The following PXDNL variants were observed in gnomAD, a reference collection of about 807,000 sequenced individuals.
The protein encoded by PXDNL is probable oxidoreductase PXDNL.
PXDNL carries 145 observed loss-of-function variants against 150.8 expected under a neutral mutation model. The ratio of observed to expected loss-of-function variants is 0.96; its 90% CI spans 0.84 to 1.10. The LOEUF is 1.10. PXDNL is among the 50% of genes least tolerant of loss of function. PXDNL has a pLI of 0.00. For missense variants in PXDNL, 2,087 were observed against 1,873.9 expected, an observed-to-expected ratio of 1.11 and a Z score of -2.10; for synonymous variants, 757 against 725.7, an observed-to-expected ratio of 1.04 and a Z score of -0.69.
At chr8:51,497,901 T>G (rs1380359443) in intron 5 of PXDNL, among the ~76,000 whole-genome samples, 1 of 152,152 alleles carries the variant, frequency 6.6e-6, no homozygotes, top group Non-Finnish European at 1.5e-5. Flanking sequence ...GAACTAGAAA[T>G]ATCATTTGAC....
intron 4 of PXDNL, among the ~76,000 whole-genome samples, chr8:51,528,240 C>T (rs1197567135): frequency 2.6e-5 from 4 of 151,950 alleles, no homozygotes; most frequent in Non-Finnish European, 4.4e-5. Context: ...ACAAGTTCTA[C>T]CAGCTAGTGT....
At chr8:51,749,594 C>T (rs1020080989) in intron 1 of PXDNL, among the ~76,000 whole-genome samples, 1 of 152,186 alleles carries the variant, frequency 6.6e-6, no homozygotes, top group Admixed American at 6.5e-5. Flanking sequence ...AGTTGCTCAG[C>T]GTGAGTCAGT....
intron 1 of PXDNL, among the ~76,000 whole-genome samples, chr8:51,659,070 A>G (rs1815214366): frequency 6.6e-6 from 1 of 152,240 alleles, no homozygotes; most frequent in Non-Finnish European, 1.5e-5. Flanking sequence ...TGTCATTCAT[A>G]TAAAACTTCC....
chr8:51,536,249 C>G (rs1230072312), intron 4 of PXDNL, among the ~76,000 whole-genome samples: 1 of 152,160 alleles, frequency 6.6e-6, no homozygotes, highest in East Asian at 1.9e-4. Context: ...AAGCTGACAC[C>G]AAGGACACAG....
At chr8:51,777,127 T>G (rs537118418) in intron 1 of PXDNL, among the ~76,000 whole-genome samples, 4 of 152,232 alleles carry the variant, frequency 2.6e-5, no homozygotes, top group Non-Finnish European at 4.4e-5. Flanking sequence ...ATTTAATATA[T>G]GCAAAATGGG....
At chr8:51,533,760 T>G (rs1287023524) in intron 4 of PXDNL, among the ~76,000 whole-genome samples, 2 of 150,974 alleles carry the variant, frequency 1.3e-5, no homozygotes, top group Non-Finnish European at 2.9e-5. Flanking sequence ...GTGCCGGGAT[T>G]GCAGACGGAG....
chr8:51,487,622 A>G (rs558007899), intron 5 of PXDNL, among the ~76,000 whole-genome samples: 22 of 152,294 alleles, frequency 1.4e-4, no homozygotes, highest in African/African-American at 5.3e-4. Flanking sequence ...TTTAAACCAC[A>G]TGGCTCCACT....
At chr8:51,727,295 A>C (rs1816833628) in intron 1 of PXDNL, among the ~76,000 whole-genome samples, 1 of 152,230 alleles carries the variant, frequency 6.6e-6, no homozygotes, top group African/African-American at 2.4e-5. Context: ...ATCATTTTAC[A>C]ATTACATACA....
intron 1 of PXDNL, among the ~76,000 whole-genome samples, chr8:51,748,611 G>C (rs2037011525): frequency 6.6e-6 from 1 of 152,196 alleles, no homozygotes. Flanking sequence ...GGGCATGGGG[G>C]TGAAGCAGGA....
chr8:51,715,499 A>T (rs538837203), intron 1 of PXDNL, among the ~76,000 whole-genome samples: 1 of 152,222 alleles, frequency 6.6e-6, no homozygotes, highest in Non-Finnish European at 1.5e-5. Context: ...TTGAACGTCA[A>T]TTGTGCCATT....
chr8:51,572,647 G>A (rs1812971288), intron 3 of PXDNL, among the ~76,000 whole-genome samples: 1 of 144,234 alleles, frequency 6.9e-6, no homozygotes, highest in African/African-American at 2.9e-5. Flanking sequence ...GCACAATATG[G>A]TGAATGTACT....
chr8:51,451,225 A>G (rs1445225874), intron 10 of PXDNL, among the ~76,000 whole-genome samples: 2 of 152,202 alleles, frequency 1.3e-5, no homozygotes, highest in South Asian at 2.1e-4. Flanking sequence ...GAATTGTTAA[A>G]CTTCACGTGT....
intron 1 of PXDNL, among the ~76,000 whole-genome samples, chr8:51,730,595 G>T (rs1416836861): frequency 3.3e-5 from 5 of 152,158 alleles, no homozygotes. Context: ...TCTAACGGAA[G>T]AAGGCAGAAA....
intron 1 of PXDNL, among the ~76,000 whole-genome samples, chr8:51,694,319 T>A (rs1023128381): frequency 6.6e-6 from 1 of 151,972 alleles, no homozygotes; most frequent in South Asian, 2.1e-4. Flanking sequence ...GCCAAGATGG[T>A]GCTACTGCCC....
chr8:51,734,457 G>A (rs754369538), intron 1 of PXDNL, among the ~76,000 whole-genome samples: 16 of 152,166 alleles, frequency 1.1e-4, no homozygotes, highest in Admixed American at 3.9e-4. Context: ...GTTCTGAAAC[G>A]GGAGTCTAAG....
intron 11 of PXDNL, among the ~76,000 whole-genome samples, chr8:51,448,279 G>A (rs1274630139): frequency 6.6e-6 from 1 of 152,162 alleles, no homozygotes; most frequent in Non-Finnish European, 1.5e-5. Flanking sequence ...TGCCTGCCAG[G>A]CCCACGCCCC....
At position 51,413,229 on chromosome 8, in the gene PXDNL, A is replaced by G. The variant is rs767424990; in HGVS notation, c.1825T>C (p.Phe609Leu). 1 of 1,611,782 alleles carries G rather than the reference A, an allele frequency of 6.2e-7. No individual in the cohort carries two copies. The change falls in exon 15 of 23, where the codon TTT becomes CTT. Residue 609 changes from phenylalanine (F) to leucine (L), a missense_variant. Coordinates refer to ENST00000356297, the MANE Select transcript of PXDNL (RefSeq NM_144651.5). ...GCATCAAGAATGGAAGATTCAACAA[A>G]GTCATCGCCAGCTTGTCTACCCTGT... ...AIQGRQAGDD[F>L]VESSILDAVQ...
chr8:51,635,955 C>T (rs1207514797), intron 2 of PXDNL, among the ~76,000 whole-genome samples: 2 of 151,926 alleles, frequency 1.3e-5, no homozygotes, highest in African/African-American at 2.4e-5. Flanking sequence ...AATTGTTCAA[C>T]AAAATACTGG....
intron 18 of PXDNL, among the ~76,000 whole-genome samples, chr8:51,372,777 T>C (rs1807166223): frequency 1.3e-5 from 2 of 152,238 alleles, no homozygotes; most frequent in South Asian, 4.1e-4. Flanking sequence ...ATAGCACTTT[T>C]GATAATTAAT....
Sources: gnomAD v4.1 joint callset for allele counts (sites outside exome capture counted in the v4.1 genomes callset) on GRCh38, gnomAD v4.1.1 for gene constraint, MANE v1.5 for transcripts, NCBI Gene and HGNC (gene_info 2026-07-23, HGNC 2026-07-21) for gene names.